Variants in UGT1A10 observed in about 807,000 individuals in gnomAD.
UGT1A10 encodes the protein UDP-glucuronosyltransferase 1A10.
A neutral mutation model predicts 45.8 loss-of-function variants in UGT1A10; 49 were observed. The observed-to-expected ratio is 1.07, with a 90% CI of 0.85 to 1.36. The LOEUF is 1.36. Ranked by LOEUF, UGT1A10 falls within the 40% of genes most tolerant of loss-of-function variation. The probability of loss-of-function intolerance (pLI) is 0.00; values close to 1 mark genes in which losing one functional copy is unlikely to be tolerated. For missense variants in UGT1A10, 745 were observed against 668.6 expected, an observed-to-expected ratio of 1.11 and a Z score of -1.26; for synonymous variants, 284 against 249.7, an observed-to-expected ratio of 1.14 and a Z score of -1.29.
intron 1 of UGT1A10, among the ~76,000 whole-genome samples, chr2:233,749,862 T>G (rs1409437282): frequency 1.3e-5 from 2 of 151,992 alleles, no homozygotes; most frequent in Non-Finnish European, 2.9e-5. Flanking sequence ...TCTCACTTTC[T>G]GCCAGGATTA....
At chr2:233,662,755 G>A (rs1168023550) in intron 1 of UGT1A10, among the ~76,000 whole-genome samples, 3 of 150,740 alleles carry the variant, frequency 2.0e-5, no homozygotes. Flanking sequence ...TTAGCTGTGG[G>A]TTTTTCCAAG....
intron 1 of UGT1A10, chr2:233,760,899 G>A (rs1697604278): frequency 6.2e-7 from 1 of 1,613,886 alleles, no homozygotes. Context: ...CAGATCACAT[G>A]ACCTTCCTGC....
chr2:233,647,348 T>C (rs1330969749), intron 1 of UGT1A10, among the ~76,000 whole-genome samples: 2 of 152,240 alleles, frequency 1.3e-5, no homozygotes, highest in Non-Finnish European at 2.9e-5. Flanking sequence ...GTAGTTTTTG[T>C]ATCTTGTCAC....
At chr2:233,760,506 T>A in intron 1 of UGT1A10, 1 of 1,614,180 alleles carries the variant, frequency 6.2e-7, no homozygotes, top group Non-Finnish European at 8.5e-7. Flanking sequence ...ACGGAGCATT[T>A]TACACCTTGA....
intron 1 of UGT1A10, among the ~76,000 whole-genome samples, chr2:233,716,394 G>A (rs2076503036): frequency 1.3e-5 from 2 of 152,226 alleles, no homozygotes; most frequent in Admixed American, 6.5e-5. Context: ...CAGACACTAA[G>A]CTTAAAGTGA....
At chr2:233,718,999 T>G in intron 1 of UGT1A10, 2 of 1,614,228 alleles carry the variant, frequency 1.2e-6, no homozygotes, top group Non-Finnish European at 1.7e-6. Context: ...CAGGCGGTGG[T>G]CCTCACCCCA....
chr2:233,642,925 G>A (rs1299130678), intron 1 of UGT1A10, among the ~76,000 whole-genome samples: 2 of 151,928 alleles, frequency 1.3e-5, no homozygotes, highest in Non-Finnish European at 2.9e-5. Flanking sequence ...TCTGTTCTGA[G>A]CCACCTCAAG....
chr2:233,762,430 C>CCATAAA, intron 1 of UGT1A10, among the ~76,000 whole-genome samples: 1 of 152,296 alleles, frequency 6.6e-6, no homozygotes, highest in African/African-American at 2.4e-5. Context: ...AATAGAGTAA[C>CCATAAA]AGTGTATTCC....
chr2:233,686,654 A>G (rs1262274748), intron 1 of UGT1A10, among the ~76,000 whole-genome samples: 1 of 152,090 alleles, frequency 6.6e-6, no homozygotes, highest in Non-Finnish European at 1.5e-5. Context: ...AACATGATAC[A>G]CTACCTCTTT....
chr2:233,663,984 A>C (rs1338039332), intron 1 of UGT1A10, among the ~76,000 whole-genome samples: 1 of 152,220 alleles, frequency 6.6e-6, no homozygotes, highest in African/African-American at 2.4e-5. Flanking sequence ...ACAAGCAGCC[A>C]GGCCACATCT....
At chr2:233,706,618 G>A (rs2075916181) in intron 1 of UGT1A10, among the ~76,000 whole-genome samples, 1 of 152,146 alleles carries the variant, frequency 6.6e-6, no homozygotes, top group East Asian at 1.9e-4. Context: ...GAAGACTAGA[G>A]AAATGAGTGT....
At position 233,719,785 on chromosome 2, in the gene UGT1A10, A is replaced by G. The variant is rs1575529784; in HGVS notation, c.856-47249A>G. 1.1e-5 allele frequency: 18 copies of G among 1,610,188 alleles called. No homozygotes were observed. In the East Asian group the frequency reaches 3.8e-4, roughly 34 times the overall value. ...TGCTTCCATATCTACTTATCTTTCC[A>G]AAGATTTTATTTTGGCTTCTTTATA... On this transcript the variant is annotated intron_variant, in intron 1 of 4. Transcript: ENST00000344644.
chr2:233,749,360 T>C (rs1258225347), intron 1 of UGT1A10, among the ~76,000 whole-genome samples: 1 of 151,902 alleles, frequency 6.6e-6, no homozygotes, highest in South Asian at 2.1e-4. Flanking sequence ...AAATAGTGAC[T>C]CTTGCCCTTT....
chr2:233,713,283 C>T (rs764319623), intron 1 of UGT1A10: 1 of 1,614,222 alleles, frequency 6.2e-7, no homozygotes, highest in Non-Finnish European at 8.5e-7. Flanking sequence ...GGGTCACACT[C>T]AATCGTTCTT....
In UGT1A10 at chr2:233,768,392, T is replaced by G. The variant is rs761552961; in HGVS notation, c.1248T>G (p.Thr416=). The G allele has an allele frequency of 1.2e-6, 2 of 1,614,156 alleles. No homozygotes were observed. Among genetic ancestry groups the G allele is most frequent in the Non-Finnish European group, 1.7e-6 (2 of 1,180,042 alleles). Residue 416 remains threonine, a synonymous_variant, in exon 4 of 5, where the codon ACT becomes ACG. Coordinates refer to ENST00000344644, the MANE Select transcript of UGT1A10 (RefSeq NM_019075.4). Reference sequence around the variant, plus strand: ...TGACCCTGAATGTTCTGGAAATGACTTCTGAAGATTTAGAAAATGCTCTAA... The same window carrying G: ...TGACCCTGAATGTTCTGGAAATGACGTCTGAAGATTTAGAAAATGCTCTAA... ...AGVTLNVLEM[T]SEDLENALKA...
chr2:233,706,044 G>A (rs2075886174), intron 1 of UGT1A10, among the ~76,000 whole-genome samples: 1 of 152,138 alleles, frequency 6.6e-6, no homozygotes, highest in Admixed American at 6.5e-5. Context: ...GCAGTGAGCC[G>A]AGATCACGCC....
intron 1 of UGT1A10, among the ~76,000 whole-genome samples, chr2:233,697,775 A>G (rs919949633): frequency 6.6e-6 from 1 of 151,896 alleles, no homozygotes; most frequent in African/African-American, 2.4e-5. Flanking sequence ...TTGTGTTTCC[A>G]TTTTCATTCG....
At position 233,744,330 on chromosome 2, in the gene UGT1A10, T is replaced by A. The variant is rs1692777222; in HGVS notation, c.856-22704T>A. Among the ~76,000 whole-genome samples the A allele has an allele frequency of 1.3e-5, 2 of 151,878 alleles. 1 individual carries two copies. The highest frequency in any genetic ancestry group is 4.9e-5 in the African/African-American group (2 of 41,124). On this transcript the variant is annotated intron_variant, in intron 1 of 4. Coordinates refer to ENST00000344644, the MANE Select transcript of UGT1A10 (RefSeq NM_019075.4). Reference sequence around the variant, plus strand: ...GGGAAGAGGGTGGTGGGAGTGAGTTTAGTCTGACTGGGGCTGAAGACATCC... The same window carrying A: ...GGGAAGAGGGTGGTGGGAGTGAGTTAAGTCTGACTGGGGCTGAAGACATCC...
At chr2:233,650,475 A>C (rs2073711927) in intron 1 of UGT1A10, among the ~76,000 whole-genome samples, 1 of 152,164 alleles carries the variant, frequency 6.6e-6, no homozygotes. Flanking sequence ...CTTCAGTTAG[A>C]GCATGAGCAA....
Sources: gnomAD v4.1 joint callset for allele counts (sites outside exome capture counted in the v4.1 genomes callset) on GRCh38, gnomAD v4.1.1 for gene constraint, MANE v1.5 for transcripts, NCBI Gene and HGNC (gene_info 2026-07-23, HGNC 2026-07-21) for gene names.